Variants in IL31RA observed in about 807,000 individuals in gnomAD.
IL31RA encodes interleukin 31 receptor A.
Under a neutral mutation model 83.7 loss-of-function variants are expected in IL31RA, and 66 were observed. That is an observed-to-expected ratio of 0.79 (90% confidence interval 0.65 to 0.97). The LOEUF (loss-of-function observed/expected upper bound fraction) is 0.97. Ranked by LOEUF, IL31RA falls within the 50% of genes least tolerant of loss-of-function variation. IL31RA has a pLI of 0.00. For synonymous variants in IL31RA, 325 were observed against 329.0 expected, an observed-to-expected ratio of 0.99 and a Z score of 0.13; for missense variants, 798 against 919.4, an observed-to-expected ratio of 0.87 and a Z score of 1.71.
intron 7 of IL31RA, 123 bp from the exon 8 acceptor site, chr5:55,899,793 G>T: frequency 1.4e-6 from 1 of 725,362 alleles, no homozygotes; most frequent in Non-Finnish European, 2.5e-6. Context: ...GTAATTACCT[G>T]ATTGTAGTTT....
At chr5:55,914,578 A>G (rs1326587586) in intron 13 of IL31RA, among the ~76,000 whole-genome samples, 35 of 152,166 alleles carry the variant, frequency 2.3e-4, no homozygotes. Flanking sequence ...GGGACCAGGT[A>G]TGGAGATGCT....
At chr5:55,907,604 G>A in intron 10 of IL31RA, 144 bp downstream of exon 10, 2 of 689,426 alleles carry the variant, frequency 2.9e-6, no homozygotes, top group Non-Finnish European at 5.3e-6. Context: ...TGTATGTTAT[G>A]AATTTGCTGA....
chr5:55,845,334 A>G, the IL31RA span, among the ~76,000 whole-genome samples: 1 of 152,140 alleles, frequency 6.6e-6, no homozygotes, highest in East Asian at 1.9e-4. Flanking sequence ...GAACTTCACA[A>G]ATTGTGTTAA....
At chr5:55,898,787 G>A (rs1409506473) in intron 7 of IL31RA, among the ~76,000 whole-genome samples, 2 of 152,040 alleles carry the variant, frequency 1.3e-5, no homozygotes. Flanking sequence ...ACTTTGGGAG[G>A]CCAAGGCATG....
At chr5:55,868,476 T>C (rs1746319791) in intron 2 of IL31RA, among the ~76,000 whole-genome samples, 1 of 152,260 alleles carries the variant, frequency 6.6e-6, no homozygotes, top group Admixed American at 6.5e-5. Flanking sequence ...TTTGATGCTT[T>C]ACTGAGTATA....
At chr5:55,886,880 A>G in intron 5 of IL31RA, among the ~76,000 whole-genome samples, 1 of 151,804 alleles carries the variant, frequency 6.6e-6, no homozygotes, top group East Asian at 1.9e-4. Context: ...GGCCTGACAT[A>G]TTTCCTTCTG....
At chr5:55,854,511 G>A (rs1007787162) in intron 1 of IL31RA, among the ~76,000 whole-genome samples, 10 of 152,066 alleles carry the variant, frequency 6.6e-5, no homozygotes, top group Admixed American at 1.3e-4. Flanking sequence ...TTGGGAGGTC[G>A]AGGCAGGTGG....
chr5:55,839,898 G>A, the IL31RA span: 6 of 708,520 alleles, frequency 8.5e-6, no homozygotes, highest in Admixed American at 1.9e-5. Context: ...TAGATGAAAC[G>A]AATACCTTGA....
rs758009076 is a variant in IL31RA at position 55,872,360 on chromosome 5, G to A, written c.363G>A (p.Thr121=). The A allele has an allele frequency of 1.4e-5, 22 of 1,610,322 alleles. No individual in the cohort carries two copies. The highest frequency in any genetic ancestry group is 1.8e-5 in the Non-Finnish European group (21 of 1,176,916). Residue 121 remains threonine (T), a synonymous_variant, in exon 4 of 15, where the codon ACG becomes ACA. Coordinates refer to ENST00000652347, the MANE Select transcript of IL31RA (RefSeq NM_139017.7). ...ASCSFFLPRI[T]IPDNYTIEVE... ...GCTCTTTTTTCCTTCCAAGAATAAC[G>A]ATCCCAGATAATTATACCATTGAGG...
At chr5:55,865,202 T>C (rs1410736938) in intron 2 of IL31RA, among the ~76,000 whole-genome samples, 1 of 152,234 alleles carries the variant, frequency 6.6e-6, no homozygotes, top group Non-Finnish European at 1.5e-5. Flanking sequence ...ATTATTTGAT[T>C]CAGATCCAGT....
intron 5 of IL31RA, among the ~76,000 whole-genome samples, chr5:55,889,073 C>A (rs1042392731): frequency 2.6e-5 from 4 of 152,002 alleles, no homozygotes; most frequent in Non-Finnish European, 4.4e-5. Flanking sequence ...TTTTATTAAT[C>A]AGCTCAAAAT....
intron 6 of IL31RA, among the ~76,000 whole-genome samples, chr5:55,896,102 T>C (rs963753350): frequency 6.6e-6 from 1 of 152,194 alleles, no homozygotes. Flanking sequence ...TATTATACTT[T>C]TCCTTTATCT....
At position 55,906,201 on chromosome 5, in the gene IL31RA, A is replaced by T; in HGVS notation, c.1165A>T (p.Ile389Phe). The T allele has an allele frequency of 6.2e-7, 1 of 1,614,160 alleles. No individual in the cohort carries two copies. Among genetic ancestry groups the T allele is most frequent in the Non-Finnish European group, 8.5e-7 (1 of 1,180,024 alleles). The change falls in exon 9 of 15, where the codon ATT becomes TTT. Residue 389 changes from isoleucine to phenylalanine, a missense_variant. Ile to Phe is a conservative substitution (Grantham distance 21, BLOSUM62 0). Transcript: ENST00000652347. ...TGCTCTAGACGTGAACACTTGGATGATTGAATGGTTTCCGGATGTGGACTC... is the reference window on the plus strand; with the variant it reads ...TGCTCTAGACGTGAACACTTGGATGTTTGAATGGTTTCCGGATGTGGACTC... ...SSALDVNTWM[I>F]EWFPDVDSEP... is the part of the protein sequence containing the mutation.
At chr5:55,863,504 G>C (rs1745811300) in intron 2 of IL31RA, among the ~76,000 whole-genome samples, 2 of 152,240 alleles carry the variant, frequency 1.3e-5, no homozygotes, top group Admixed American at 6.5e-5. Flanking sequence ...GGAGAGAAAA[G>C]AGAGTCATGC....
intron 14 of IL31RA, among the ~76,000 whole-genome samples, chr5:55,916,386 A>AG (rs1266642861): frequency 1.3e-5 from 2 of 151,498 alleles, no homozygotes; most frequent in African/African-American, 4.8e-5. Flanking sequence ...GTCTCAAAAA[A>AG]AAAAAAATTA....
chr5:55,918,143 G>C lies in IL31RA; in HGVS notation c.*1023G>C, dbSNP rs145438527. Reference sequence around the variant, plus strand: ...GATTGCTGGCTTCAGCACTGAGATAGTACTGGGCTCCTCCTGTAACTATAG... The same window carrying C: ...GATTGCTGGCTTCAGCACTGAGATACTACTGGGCTCCTCCTGTAACTATAG... On this transcript the variant is annotated 3_prime_UTR_variant, in exon 15 of 15. Transcript: ENST00000652347. Among the ~76,000 whole-genome samples, 83 of 152,324 alleles carry C rather than the reference G, an allele frequency of 5.4e-4. No individual in the cohort carries two copies. The highest frequency in any genetic ancestry group is 1.1e-3 in the Non-Finnish European group (73 of 68,028).
At chr5:55,880,219 C>T (rs889243035) in intron 4 of IL31RA, among the ~76,000 whole-genome samples, 4 of 152,166 alleles carry the variant, frequency 2.6e-5, no homozygotes, top group Admixed American at 2.6e-4. Flanking sequence ...AGTGGCCACA[C>T]GGATTGATGA....
At chr5:55,846,354 G>A in the IL31RA span, among the ~76,000 whole-genome samples, 2,238 of 152,216 alleles carry the variant, frequency 0.015, 55 homozygotes, top group African/African-American at 0.05. Flanking sequence ...ATTCTGATGC[G>A]TATTGTTTGG....
At chr5:55,871,537 TC>T (rs34484821) in intron 3 of IL31RA, among the ~76,000 whole-genome samples, 31,580 of 152,146 alleles carry the variant, frequency 0.21, 4,089 homozygotes, top group South Asian at 0.4. Context: ...ATATATCTAA[TC>T]TATCATCTAT....
Sources: allele counts gnomAD v4.1 joint callset (sites outside exome capture counted in the v4.1 genomes callset), GRCh38; gene constraint gnomAD v4.1.1; transcripts MANE v1.5; gene names NCBI Gene and HGNC (gene_info 2026-07-23, HGNC 2026-07-21).